Variants in MAF observed in about 807,000 individuals in gnomAD.
The protein encoded by MAF is transcription factor Maf.
Under a neutral mutation model 22.0 loss-of-function variants are expected in MAF, and 10 were observed. The observed-to-expected ratio is 0.45, with a 90% CI of 0.28 to 0.77. The LOEUF (loss-of-function observed/expected upper bound fraction) is 0.77. MAF is among the 30% of genes least tolerant of loss of function. MAF has a pLI of 0.12. For synonymous variants in MAF, 337 were observed against 255.8 expected (o/e 1.32, Z -3.03); for missense variants, 544 against 548.4 (o/e 0.99, Z 0.08).
chr16:79,320,195 A>C, the MAF span, among the ~76,000 whole-genome samples: 2 of 152,184 alleles, frequency 1.3e-5, no homozygotes, highest in Admixed American at 6.5e-5. Context: ...AACCACTGAA[A>C]AGGTTTTGTG....
the MAF span, among the ~76,000 whole-genome samples, chr16:79,458,624 A>G: frequency 6.6e-6 from 1 of 152,232 alleles, no homozygotes; most frequent in African/African-American, 2.4e-5. Flanking sequence ...TATTTTCCAG[A>G]GTTCAACAAT....
chr16:79,214,016 A>G, the MAF span, among the ~76,000 whole-genome samples: 2 of 152,060 alleles, frequency 1.3e-5, no homozygotes, highest in Non-Finnish European at 2.9e-5. Flanking sequence ...GCACACTCCC[A>G]ACTCAAGGGG....
chr16:79,283,183 T>C, the MAF span, among the ~76,000 whole-genome samples: 1 of 152,182 alleles, frequency 6.6e-6, no homozygotes, highest in South Asian at 2.1e-4. Flanking sequence ...GATGGACGGA[T>C]GAATGGATGG....
chr16:79,469,244 T>G, the MAF span, among the ~76,000 whole-genome samples: 2 of 152,188 alleles, frequency 1.3e-5, no homozygotes, highest in East Asian at 1.9e-4. Context: ...AATGGCAGAG[T>G]TGAGCGGTTG....
rs1421319626 is a variant in MAF at position 79,594,475 on chromosome 16, A to T, written c.1197T>A (p.Ser399Arg). Residue 399 changes from serine (S) to arginine (R), a missense_variant, in exon 2 of 2, where the codon AGT becomes AGA. Ser to Arg is a moderately radical substitution (Grantham distance 110). Coordinates refer to ENST00000326043, the MANE Select transcript of MAF (RefSeq NM_005360.5). ...FWKPQHRVLT[S>R]VFTK The stretch of plus-strand genomic sequence containing the variant: ...CACACAAATTTCATTTTGTGAACAC[A>T]CTGGTAAGTACACGATGCTGGGGCT... The T allele has an allele frequency of 1.3e-6, 2 of 1,560,898 alleles. No individual in the cohort carries two copies. Among genetic ancestry groups the T allele is most frequent in the Non-Finnish European group, 1.7e-6 (2 of 1,150,344 alleles).
At chr16:79,408,498 T>C in the MAF span, among the ~76,000 whole-genome samples, 4 of 152,144 alleles carry the variant, frequency 2.6e-5, no homozygotes, top group Admixed American at 1.3e-4. Flanking sequence ...TTCTACTTAT[T>C]ATCTCATTGA....
chr16:79,454,609 G>T, the MAF span, among the ~76,000 whole-genome samples: 1 of 152,160 alleles, frequency 6.6e-6, no homozygotes, highest in African/African-American at 2.4e-5. Flanking sequence ...AAAGGAAAAT[G>T]CTCTTGGATT....
At chr16:79,597,992 A>T in intron 1 of MAF, 4 of 1,041,164 alleles carry the variant, frequency 3.8e-6, no homozygotes, top group Non-Finnish European at 4.6e-6. Flanking sequence ...AGGTTGATGC[A>T]GGCTTGATTG....
the MAF span, among the ~76,000 whole-genome samples, chr16:79,331,427 T>C: frequency 6.6e-6 from 1 of 152,226 alleles, no homozygotes; most frequent in Admixed American, 6.5e-5. Flanking sequence ...TCCTTCACCC[T>C]TCATGGCTTG....
the MAF span, among the ~76,000 whole-genome samples, chr16:79,213,232 T>G: frequency 1.3e-5 from 2 of 152,184 alleles, no homozygotes; most frequent in African/African-American, 4.8e-5. Flanking sequence ...CTCCTGATCA[T>G]GGCAGCTTCA....
intron 1 of MAF, among the ~76,000 whole-genome samples, chr16:79,587,657 C>A (rs1035960635): frequency 6.6e-6 from 1 of 152,020 alleles, no homozygotes; most frequent in East Asian, 1.9e-4. Context: ...TTGCAAAATG[C>A]CCCCTTTGCC....
chr16:79,598,509 C>T, intron 1 of MAF: 1 of 1,347,858 alleles, frequency 7.4e-7, no homozygotes, highest in Non-Finnish European at 9.6e-7. Context: ...GATTGGCAAT[C>T]CATGAGCCAG....
the MAF span, among the ~76,000 whole-genome samples, chr16:79,244,170 C>T: frequency 6.6e-6 from 1 of 152,032 alleles, no homozygotes; most frequent in Non-Finnish European, 1.5e-5. Flanking sequence ...CAAGGATGAC[C>T]TCTCTCATTG....
the MAF span, among the ~76,000 whole-genome samples, chr16:79,562,671 C>G: frequency 6.6e-6 from 1 of 152,170 alleles, no homozygotes; most frequent in Non-Finnish European, 1.5e-5. Context: ...CAAGATCTCT[C>G]TAATCCTCAT....
chr16:79,531,130 A>G, the MAF span, among the ~76,000 whole-genome samples: 1 of 152,258 alleles, frequency 6.6e-6, no homozygotes, highest in Non-Finnish European at 1.5e-5. Context: ...ATCAGGGACT[A>G]ACATGAGACA....
chr16:79,235,886 G>A, the MAF span, among the ~76,000 whole-genome samples: 10,948 of 152,100 alleles, frequency 0.072, 582 homozygotes, highest in Middle Eastern at 0.15. Flanking sequence ...AAGAGGAAGA[G>A]CAAGAAGCAT....
At chr16:79,228,928 G>C in the MAF span, among the ~76,000 whole-genome samples, 5 of 152,020 alleles carry the variant, frequency 3.3e-5, no homozygotes, top group Admixed American at 1.3e-4. Context: ...GCCTGCACCA[G>C]TCTGAGACAG....
chr16:79,559,682 G>A, the MAF span, among the ~76,000 whole-genome samples: 2 of 151,970 alleles, frequency 1.3e-5, no homozygotes, highest in African/African-American at 4.8e-5. Flanking sequence ...AAGATGTTAA[G>A]CATGATTCCA....
chr16:79,590,004 G>T (rs970743596), downstream of MAF, among the ~76,000 whole-genome samples: 12 of 152,256 alleles, frequency 7.9e-5, no homozygotes, highest in South Asian at 1.0e-3. Context: ...GGCAATCTTC[G>T]GGACCCGCCC....
Sources: gnomAD v4.1 joint callset for allele counts (sites outside exome capture counted in the v4.1 genomes callset) on GRCh38, gnomAD v4.1.1 for gene constraint, MANE v1.5 for transcripts, NCBI Gene and HGNC (gene_info 2026-07-23, HGNC 2026-07-21) for gene names.